The following KHDRBS1 variants were observed in gnomAD, a reference collection of about 807,000 sequenced individuals.
The protein encoded by KHDRBS1 is KH domain-containing, RNA-binding, signal transduction-associated protein 1.
Under a neutral mutation model 48.4 loss-of-function variants are expected in KHDRBS1, and 7 were observed. The ratio of observed to expected loss-of-function variants is 0.14; its 90% confidence interval spans 0.08 to 0.27. The LOEUF (loss-of-function observed/expected upper bound fraction) is 0.27. Among genes scored for constraint, KHDRBS1 ranks in the 10% least tolerant of loss-of-function variants. The pLI is 1.00. For synonymous variants in KHDRBS1, 241 were observed against 235.8 expected (o/e 1.02, Z -0.20); for missense variants, 458 against 601.2 (o/e 0.76, Z 2.49).
intron 1 of KHDRBS1, among the ~76,000 whole-genome samples, chr1:32,016,138 A>G (rs1179965815): frequency 1.3e-5 from 2 of 151,612 alleles, no homozygotes; most frequent in Non-Finnish European, 2.9e-5. Context: ...AGATTGCGCC[A>G]TTACACTCCA....
chr1:32,020,306 C>T (rs777000909), intron 1 of KHDRBS1, among the ~76,000 whole-genome samples: 15 of 151,828 alleles, frequency 9.9e-5, no homozygotes, highest in Non-Finnish European at 1.9e-4. Context: ...TCACTTGAAC[C>T]CAGGAGATTG....
intron 5 of KHDRBS1, 112 bp from the exon 6 acceptor site, chr1:32,037,723 C>T (rs1639209058): frequency 3.5e-6 from 4 of 1,127,554 alleles, no homozygotes; most frequent in Admixed American, 3.7e-5. Flanking sequence ...TTAATAATAG[C>T]CTAGTTAAGG....
intron 7 of KHDRBS1, 92 bp from the exon 8 acceptor site, chr1:32,039,423 C>G: frequency 2.6e-6 from 2 of 763,464 alleles, no homozygotes; most frequent in Non-Finnish European, 4.8e-6. Context: ...TATTAATACA[C>G]TTAGTAAAAT....
At chr1:32,035,711 C>A (rs903609621) in intron 4 of KHDRBS1, among the ~76,000 whole-genome samples, 3 of 152,200 alleles carry the variant, frequency 2.0e-5, no homozygotes, top group South Asian at 2.1e-4. Flanking sequence ...GTTTCTTGTT[C>A]GTCCCAAACA....
At chr1:32,052,305 A>G (rs1639431154) in intron 10 of KHDRBS1, 1 of 152,128 alleles carries the variant, frequency 6.6e-6, no homozygotes, top group African/African-American at 2.4e-5. Flanking sequence ...CTTATTGTAA[A>G]TTGTGTCTTT....
In KHDRBS1 at chr1:32,050,221, G is replaced by A. The variant is rs76015302; in HGVS notation, n.1301+4831G>A. 4.6e-3 allele frequency among the ~76,000 whole-genome samples: 694 copies of A among 152,188 alleles called. 8 individuals are homozygous for A. The highest frequency in any genetic ancestry group is 0.016 in the African/African-American group (666 of 41,516). ...GGAAAAATGTCTATCTAAATACTTT[G>A]CCCACTTTTAAATGGGATAATTTGT... On this transcript the variant is annotated intron_variant and non_coding_transcript_variant, in intron 10 of 10. Transcript: ENST00000484270.
At chr1:32,058,419 T>C (rs1039073952) in intron 10 of KHDRBS1, among the ~76,000 whole-genome samples, 2 of 152,068 alleles carry the variant, frequency 1.3e-5, no homozygotes, top group African/African-American at 4.8e-5. Flanking sequence ...AAAGCAAAGT[T>C]TATCATAGAG....
chr1:32,042,831 AT>A lies in KHDRBS1; in HGVS notation c.*210del, dbSNP rs1380605875. On this transcript the variant is annotated 3_prime_UTR_variant, in exon 9 of 9. Coordinates refer to ENST00000327300, the MANE Select transcript of KHDRBS1 (RefSeq NM_006559.3). Reference sequence around the variant, plus strand: ...AGTATTTTAAAATGAGTTAAAATAGATTTAGGAATATTGAATTAATTTTTTA... The same window carrying A: ...AGTATTTTAAAATGAGTTAAAATAGATTAGGAATATTGAATTAATTTTTTA... The A allele has an allele frequency of 2.6e-6, 1 of 388,196 alleles. No individual in the cohort carries two copies. Among genetic ancestry groups the A allele is most frequent in the Non-Finnish European group, 4.6e-6 (1 of 215,670 alleles). The allele number at this position is 388,196 out of a possible 1,614,324, so 24.0% of individuals were successfully genotyped here.
At chr1:32,050,166 G>T (rs193161638) in intron 10 of KHDRBS1, among the ~76,000 whole-genome samples, 1 of 152,276 alleles carries the variant, frequency 6.6e-6, no homozygotes. Context: ...ATATTTTCAT[G>T]TGCTTGTTAG....
rs181449163 is a variant in KHDRBS1, at chr1:32,038,105, G to C, written c.1107+69G>C. On this transcript the variant is annotated intron_variant, in intron 6 of 8. Transcript: ENST00000327300. ...CTGCTAAAGGAAGTTGAATGACAGGGCCTCGGTCCTTTATGTAGGTGTCAT... is the reference window on the plus strand; with the variant it reads ...CTGCTAAAGGAAGTTGAATGACAGGCCCTCGGTCCTTTATGTAGGTGTCAT... The C allele has an allele frequency of 8.8e-4, 1,402 of 1,591,700 alleles. 13 individuals are homozygous for C. The African/African-American group carries it at 0.013, about 15-fold the overall frequency.
At chr1:32,023,854 T>C (rs1043938436) in intron 1 of KHDRBS1, among the ~76,000 whole-genome samples, 1 of 152,226 alleles carries the variant, frequency 6.6e-6, no homozygotes, top group African/African-American at 2.4e-5. Context: ...TCTGAGGGTA[T>C]AAATTGTACT....
chr1:32,045,352 A>AT (rs1326002634), downstream of KHDRBS1: 1 of 152,628 alleles, frequency 6.6e-6, no homozygotes, highest in African/African-American at 2.4e-5. Context: ...CTCCTGAGGC[A>AT]TTTCCTGGAC....
Position 32,021,695 on chromosome 1 carries a change from C to A in KHDRBS1, c.382+7318C>A, listed in dbSNP as rs1355869617. 2.0e-5 allele frequency among the ~76,000 whole-genome samples: 3 copies of A among 152,098 alleles called. No homozygotes were observed. The East Asian group carries it at 5.8e-4, about 29-fold the overall frequency. On this transcript the variant is annotated intron_variant, in intron 1 of 8. Coordinates refer to ENST00000327300, the MANE Select transcript of KHDRBS1 (RefSeq NM_006559.3). ...GCAGTAACGCAATCTTGGCTCACTG[C>A]AACCTCTGCTTCCCGGGTTCAAGCG... is the stretch of plus-strand genomic sequence containing the variant.
At chr1:32,037,089 C>T (rs781410513) in intron 5 of KHDRBS1, 46 bp downstream of exon 5, 10 of 1,592,980 alleles carry the variant, frequency 6.3e-6, no homozygotes, top group Admixed American at 1.7e-5. Flanking sequence ...AATTTGACTA[C>T]TAGTGTCATC....
intron 2 of KHDRBS1, 107 bp downstream of exon 2, chr1:32,030,529 C>A: frequency 1.1e-6 from 1 of 890,056 alleles, no homozygotes; most frequent in Non-Finnish European, 1.6e-6. Context: ...AAACTTAAGC[C>A]TGTGAAGCTT....
At chr1:32,032,033 A>G (rs1639090441) in intron 3 of KHDRBS1, among the ~76,000 whole-genome samples, 1 of 152,222 alleles carries the variant, frequency 6.6e-6, no homozygotes, top group South Asian at 2.1e-4. Flanking sequence ...AGTGAGAACA[A>G]TAATGTGAGA....
At position 32,016,434 on chromosome 1, in the gene KHDRBS1, A is replaced by G. The variant is rs74472136; in HGVS notation, c.382+2057A>G. 6.8e-3 allele frequency among the ~76,000 whole-genome samples: 1,042 copies of G among 152,222 alleles called. 16 individuals carry two copies. The highest frequency in any genetic ancestry group is 0.024 in the African/African-American group (1,000 of 41,504). ...GTCTACACACCTTCCCCGTTCCCTC[A>G]CTATAGTGCCTGCTGCAAATTGTAC... On this transcript the variant is annotated intron_variant, in intron 1 of 8. Coordinates refer to ENST00000327300, the MANE Select transcript of KHDRBS1 (RefSeq NM_006559.3).
chr1:32,046,080 G>T (rs1281538428), downstream of KHDRBS1, among the ~76,000 whole-genome samples: 1 of 152,038 alleles, frequency 6.6e-6, no homozygotes, highest in Non-Finnish European at 1.5e-5. Context: ...AACTTCCCAG[G>T]GTCCCATAAT....
chr1:32,037,075 T>A, intron 5 of KHDRBS1, 32 bp downstream of exon 5: 4 of 1,608,642 alleles, frequency 2.5e-6, no homozygotes, highest in Non-Finnish European at 3.4e-6. Flanking sequence ...AGAAATAGGA[T>A]GTGAATTTGA....
Sources: allele counts gnomAD v4.1 joint callset (sites outside exome capture counted in the v4.1 genomes callset), GRCh38; gene constraint gnomAD v4.1.1; transcripts MANE v1.5; gene names NCBI Gene and HGNC (gene_info 2026-07-23, HGNC 2026-07-21).